ZBED6: variants seen among roughly 807,000 people sequenced by gnomAD.
ZBED6 encodes the protein zinc finger BED domain-containing protein 6.
Under a neutral mutation model 58.4 loss-of-function variants are expected in ZBED6, and 40 were observed. The observed-to-expected ratio is 0.68, with a 90% CI of 0.53 to 0.89. The LOEUF (loss-of-function observed/expected upper bound fraction) is 0.89, where lower values mean the gene tolerates loss of function less well. Among genes scored for constraint, ZBED6 ranks in the 40% least tolerant of loss-of-function variants. The pLI is 0.00. For synonymous variants in ZBED6, 439 were observed against 350.6 expected, an observed-to-expected ratio of 1.25 and a Z score of -2.82; for missense variants, 1,057 against 1,003.9, an observed-to-expected ratio of 1.05 and a Z score of -0.71.
At chr1:203,817,224 T>TA (rs1401103907) in intron 2 of ZBED6, 100 bp downstream of exon 2, 5 of 966,520 alleles carry the variant, frequency 5.2e-6, no homozygotes, top group African/African-American at 5.2e-5. Context: ...TATATATATA[T>TA]TTTTTGCCCA....
intron 10 of ZBED6, 59 bp from the exon 11 acceptor site, chr1:203,840,247 T>C (rs1685682070): frequency 1.9e-6 from 3 of 1,552,346 alleles, no homozygotes; most frequent in Admixed American, 3.4e-5. Context: ...CAAACCTGTA[T>C]TTAAGCTGTA....
intron 7 of ZBED6, among the ~76,000 whole-genome samples, chr1:203,831,027 C>A (rs893469363): frequency 7.0e-6 from 1 of 143,360 alleles, no homozygotes; most frequent in African/African-American, 2.6e-5. Context: ...CTCACCACAA[C>A]CTCCACCTCC....
intron 11 of ZBED6, among the ~76,000 whole-genome samples, chr1:203,844,785 A>C (rs1444041662): frequency 2.6e-5 from 4 of 152,072 alleles, no homozygotes; most frequent in Admixed American, 2.6e-4. Flanking sequence ...TTCTGAGTGG[A>C]AACAACTTCT....
intron 1 of ZBED6, among the ~76,000 whole-genome samples, 172 bp downstream of exon 1, chr1:203,803,188 CTTTTCTTT>C (rs1430435326): frequency 6.6e-6 from 1 of 151,860 alleles, no homozygotes; most frequent in Non-Finnish European, 1.5e-5. Context: ...TTTTTTCTTT[CTTTTCTTT>C]TTTTCTTTTT....
intron 15 of ZBED6, 139 bp from the exon 16 acceptor site, chr1:203,850,918 A>G (rs1689093476): frequency 2.5e-6 from 3 of 1,222,180 alleles, no homozygotes; most frequent in Non-Finnish European, 3.5e-6. Context: ...TTATATACTC[A>G]ACCTTTAGAT....
At chr1:203,849,851 C>G (rs776419929) in exon 14 of ZBED6, 6 of 1,613,982 alleles carry the variant, frequency 3.7e-6, no homozygotes, top group African/African-American at 1.3e-5. Context: ...TAGCCTCTTG[C>G]AATACCCAAG....
exon 1 of ZBED6, chr1:203,799,588 G>A: frequency 2.8e-6 from 2 of 703,080 alleles, no homozygotes; most frequent in South Asian, 3.0e-5. Context: ...ACTTATGTTT[G>A]TGATATTCTT....
At chr1:203,850,889 G>T (rs1011332268) in intron 15 of ZBED6, among the ~76,000 whole-genome samples, 168 bp from the exon 16 acceptor site, 1 of 152,136 alleles carries the variant, frequency 6.6e-6, no homozygotes, top group African/African-American at 2.4e-5. Context: ...ATTTTTAGGT[G>T]GCAAGATATT....
chr1:203,818,555 TC>T lies in ZBED6; in HGVS notation c.*2754-14del. On this transcript the variant is annotated splice_polypyrimidine_tract_variant and intron_variant, in intron 2 of 16. Transcript: ENST00000550078. ...TTTCAATGCTACAAATAGAGTGTTC[TC>T]TATTTGTTTACAGGGTGACAGCTGC... 1.2e-6 allele frequency: 2 copies of T among 1,613,934 alleles called. No homozygotes were observed. Among genetic ancestry groups the T allele is most frequent in the Non-Finnish European group, 1.7e-6 (2 of 1,179,878 alleles).
exon 1 of ZBED6, chr1:203,800,144 G>A: frequency 6.5e-7 from 1 of 1,535,778 alleles, no homozygotes; most frequent in Non-Finnish European, 8.7e-7. Context: ...TCAAAGAGAA[G>A]TATTCAGAGT....
exon 1 of ZBED6, chr1:203,800,451 A>T: frequency 6.7e-7 from 1 of 1,487,288 alleles, no homozygotes; most frequent in African/African-American, 1.4e-5. Context: ...TGAAAAAGAA[A>T]TACTGCCTTA....
exon 6 of ZBED6, chr1:203,829,831 C>A: frequency 6.2e-7 from 1 of 1,614,156 alleles, no homozygotes. Context: ...CTGCAACCAA[C>A]TCCTGAAGTT....
chr1:203,808,008 C>A (rs966862065), intron 1 of ZBED6, among the ~76,000 whole-genome samples: 92 of 152,226 alleles, frequency 6.0e-4, no homozygotes, highest in African/African-American at 2.1e-3. Flanking sequence ...TCTCAAAGTG[C>A]TGGCATTACG....
chr1:203,816,298 A>C (rs1676342260), intron 1 of ZBED6, among the ~76,000 whole-genome samples: 2 of 152,156 alleles, frequency 1.3e-5, no homozygotes, highest in South Asian at 2.1e-4. Flanking sequence ...GTAGGCAAAA[A>C]TACATATATA....
At chr1:203,840,761 G>A (rs1156509704) in intron 11 of ZBED6, among the ~76,000 whole-genome samples, 1 of 151,996 alleles carries the variant, frequency 6.6e-6, no homozygotes, top group African/African-American at 2.4e-5. Context: ...AGCCTACCGA[G>A]TAGCTAGAAT....
chr1:203,810,854 G>T (rs941851824), intron 1 of ZBED6, among the ~76,000 whole-genome samples: 8 of 152,088 alleles, frequency 5.3e-5, no homozygotes, highest in Middle Eastern at 3.4e-3. Flanking sequence ...AATTAGTTGT[G>T]GGCCAGACGC....
intron 13 of ZBED6, among the ~76,000 whole-genome samples, chr1:203,849,319 C>T (rs1011412732): frequency 2.0e-5 from 3 of 152,236 alleles, no homozygotes; most frequent in African/African-American, 7.2e-5. Context: ...AATAATTCTT[C>T]AAGAAGTTTG....
At chr1:203,805,533 G>GA (rs1253130776) in intron 1 of ZBED6, 12 of 539,908 alleles carry the variant, frequency 2.2e-5, no homozygotes, top group African/African-American at 3.8e-5. Flanking sequence ...AGAAAGGACA[G>GA]AAACGTATCT....
Position 203,799,655 on chromosome 1 carries a change from G to A in ZBED6, c.2133G>A (p.Gln711=), listed in dbSNP as rs933806395. Residue 711 remains glutamine (Q), a synonymous_variant, in exon 1 of 17, where the codon CAG becomes CAA. Transcript: ENST00000550078. The stretch of plus-strand genomic sequence containing the variant: ...GCGTGAAGACCGCAGGATTGAATCA[G>A]GTGCTACCCCTAATCCATCATCTAC... 3 of 704,196 alleles carry A rather than the reference G, an allele frequency of 4.3e-6. No homozygotes were observed. The African/African-American group carries it at 5.2e-5, about 12-fold the overall frequency. The allele number at this position is 704,196 out of a possible 1,614,324, so 43.6% of individuals were successfully genotyped here. A position where few individuals can be genotyped will look rare whatever the true frequency, so the allele number is the denominator to read the frequency against.
Sources: gnomAD v4.1 joint callset for allele counts (sites outside exome capture counted in the v4.1 genomes callset) on GRCh38, gnomAD v4.1.1 for gene constraint, MANE v1.5 for transcripts, NCBI Gene and HGNC (gene_info 2026-07-23, HGNC 2026-07-21) for gene names.